Variants in RASSF5 observed in about 807,000 individuals in gnomAD.
RASSF5 encodes ras association domain-containing protein 5.
RASSF5 carries 25 observed loss-of-function variants against 40.5 expected under a neutral mutation model. That is an observed-to-expected ratio of 0.62 (90% CI 0.45 to 0.86). RASSF5 has a LOEUF of 0.86. Ranked by LOEUF, RASSF5 falls within the 40% of genes least tolerant of loss-of-function variation. RASSF5 has a pLI of 0.00. For missense variants in RASSF5, 521 were observed against 572.8 expected (o/e 0.91, Z 0.92); for synonymous variants, 246 against 252.4 (o/e 0.97, Z 0.24).
Position 206,584,361 on chromosome 1 carries a change from C to G in RASSF5, c.691-26C>G. 7.5e-6 allele frequency: 12 copies of G among 1,591,736 alleles called. No homozygotes were observed. The highest frequency in any genetic ancestry group is 1.0e-5 in the Non-Finnish European group (12 of 1,167,980). On this transcript the variant is annotated intron_variant, in intron 3 of 5. Coordinates refer to ENST00000579436, the MANE Select transcript of RASSF5 (RefSeq NM_182663.4). This position sits in a 1 kb window ranked among gnomAD's most constrained non-coding sequence, Gnocchi z 4.9. ...ATCATGCAAGGCGGACGGCCCTGACCCCCTGTGACATGCCCCCGCTGGCAG... is the reference window on the plus strand; with the variant it reads ...ATCATGCAAGGCGGACGGCCCTGACGCCCTGTGACATGCCCCCGCTGGCAG...
chr1:206,541,602 T>C (rs1376855087), intron 2 of RASSF5, among the ~76,000 whole-genome samples: 1 of 152,156 alleles, frequency 6.6e-6, no homozygotes, highest in Non-Finnish European at 1.5e-5. Context: ...GATATCTGAC[T>C]TTTCCTTGGG....
intron 2 of RASSF5, among the ~76,000 whole-genome samples, chr1:206,574,853 CTTTTT>C (rs71570015): frequency 0.014 from 1,202 of 86,098 alleles, 22 homozygotes; most frequent in African/African-American, 0.051. Context: ...GGACCAATGA[CTTTTT>C]TTTTTTTTTT....
At chr1:206,518,930 C>T (rs1323415012) in intron 1 of RASSF5, among the ~76,000 whole-genome samples, 3 of 151,538 alleles carry the variant, frequency 2.0e-5, no homozygotes, top group Non-Finnish European at 4.4e-5. Flanking sequence ...TCAGACCCTG[C>T]CAAGTTGCTG....
rs1157401111 is a variant in RASSF5 at position 206,584,004 on chromosome 1, AG to A, written c.691-381del. 9.2e-5 allele frequency among the ~76,000 whole-genome samples: 14 copies of A among 152,180 alleles called. No individual in the cohort carries two copies. The highest frequency in any genetic ancestry group is 3.4e-4 in the African/African-American group (14 of 41,428). On this transcript the variant is annotated intron_variant, in intron 3 of 5. Coordinates refer to ENST00000579436, the MANE Select transcript of RASSF5 (RefSeq NM_182663.4). The surrounding 1 kb of genome is among the most constrained non-coding windows in gnomAD (Gnocchi z 4.9). ...GGAAATCTAGTGGGCTGGTTCTCCA[AG>A]GCCCTCATTATAGAGCCTTCCTGCT...
intron 1 of RASSF5, among the ~76,000 whole-genome samples, chr1:206,536,019 C>T (rs1419243130): frequency 2.0e-5 from 3 of 152,142 alleles, no homozygotes; most frequent in Non-Finnish European, 2.9e-5. Context: ...GTCCCAGGGC[C>T]AGCGCCAGGA....
intron 2 of RASSF5, among the ~76,000 whole-genome samples, chr1:206,545,697 C>G (rs1444572181): frequency 1.3e-5 from 2 of 152,074 alleles, no homozygotes; most frequent in African/African-American, 4.8e-5. Flanking sequence ...CTTCTTTATC[C>G]CTGTTAACAT....
chr1:206,586,891 C>CA lies in RASSF5; in HGVS notation c.1174dup (p.Ile392AsnfsTer9). On this transcript the variant is annotated frameshift_variant, in exon 6 of 6. Coordinates refer to ENST00000579436, the MANE Select transcript of RASSF5 (RefSeq NM_182663.4). LOFTEE classifies it high-confidence loss of function. ...CAATCCTGGAAAAAGAGGAGCAGGA[C>CA]AAAATCCAACAAGTGCAAAAGAAGT... 6.2e-7 allele frequency: 1 copy of CA among 1,614,156 alleles called. No homozygotes were observed. Among genetic ancestry groups the CA allele is most frequent in the Non-Finnish European group, 8.5e-7 (1 of 1,180,016 alleles).
At chr1:206,559,015 G>C (rs917636983) in intron 2 of RASSF5, among the ~76,000 whole-genome samples, 4 of 152,220 alleles carry the variant, frequency 2.6e-5, no homozygotes, top group African/African-American at 9.6e-5. Flanking sequence ...ATTTAGACCA[G>C]TGGTTATCAA....
chr1:206,529,183 C>T (rs1166190365), intron 1 of RASSF5: 17 of 1,467,964 alleles, frequency 1.2e-5, no homozygotes, highest in Non-Finnish European at 1.5e-5. Flanking sequence ...CAAACAGCTA[C>T]TCAGCTGCTT....
At chr1:206,542,359 A>T (rs932243250) in intron 2 of RASSF5, 1 of 152,102 alleles carries the variant, frequency 6.6e-6, no homozygotes, top group South Asian at 2.1e-4. Flanking sequence ...AGACAACCCT[A>T]GCATCTCTTT....
chr1:206,537,515 C>T (rs561953469), intron 1 of RASSF5, among the ~76,000 whole-genome samples: 1 of 152,174 alleles, frequency 6.6e-6, no homozygotes, highest in East Asian at 1.9e-4. Flanking sequence ...CCCATACAGG[C>T]TGAGTATCCT....
At chr1:206,583,625 C>T in intron 3 of RASSF5, 1 of 481,078 alleles carries the variant, frequency 2.1e-6, no homozygotes, top group Non-Finnish European at 3.8e-6. Context: ...TTTAACTCCT[C>T]CTCTGAGCTT....
chr1:206,553,650 G>T (rs1327781854), intron 2 of RASSF5, among the ~76,000 whole-genome samples: 2 of 152,210 alleles, frequency 1.3e-5, no homozygotes, highest in Non-Finnish European at 2.9e-5. Flanking sequence ...AGTCTGTTAG[G>T]TGTGGTTGAT....
At chr1:206,526,982 C>T (rs567064192) in intron 1 of RASSF5, among the ~76,000 whole-genome samples, 11 of 152,202 alleles carry the variant, frequency 7.2e-5, no homozygotes, top group Admixed American at 3.3e-4. Context: ...AAGAAAGATA[C>T]TACCACCGCC....
chr1:206,566,318 C>T (rs1319090464), intron 2 of RASSF5, among the ~76,000 whole-genome samples: 1 of 152,182 alleles, frequency 6.6e-6, no homozygotes, highest in Non-Finnish European at 1.5e-5. Context: ...CCGTAGGAAG[C>T]TGTTTTTCTC....
chr1:206,562,860 T>G (rs1207580468), intron 2 of RASSF5, among the ~76,000 whole-genome samples: 1 of 151,766 alleles, frequency 6.6e-6, no homozygotes, highest in Non-Finnish European at 1.5e-5. Context: ...AGGCGGAGCT[T>G]GCAGTAAGCC....
chr1:206,512,083 T>A (rs2103500114), intron 1 of RASSF5, among the ~76,000 whole-genome samples: 1 of 152,304 alleles, frequency 6.6e-6, no homozygotes, highest in Admixed American at 6.5e-5. Flanking sequence ...TTTCCTTGAT[T>A]TAGCCCCGTG....
intron 2 of RASSF5, among the ~76,000 whole-genome samples, chr1:206,551,553 A>G (rs941441412): frequency 2.6e-5 from 4 of 152,346 alleles, no homozygotes; most frequent in Admixed American, 2.0e-4. Flanking sequence ...TCCAAGGCCT[A>G]TCTGACCAGC....
At chr1:206,556,269 TCTAC>T in intron 2 of RASSF5, among the ~76,000 whole-genome samples, 1 of 152,328 alleles carries the variant, frequency 6.6e-6, no homozygotes, top group African/African-American at 2.4e-5. Flanking sequence ...GCACACGTGT[TCTAC>T]CTGTGTGACT....
Sources: allele counts gnomAD v4.1 joint callset (sites outside exome capture counted in the v4.1 genomes callset), GRCh38; gene constraint gnomAD v4.1.1; non-coding constraint Gnocchi (gnomAD v3.1); transcripts MANE v1.5; gene names NCBI Gene and HGNC (gene_info 2026-07-23, HGNC 2026-07-21).